The following DHRSX variants were observed in gnomAD, a reference collection of about 807,000 sequenced individuals.
DHRSX encodes polyprenol dehydrogenase.
Under a neutral mutation model 34.0 loss-of-function variants are expected in DHRSX, and 31 were observed. The ratio of observed to expected loss-of-function variants is 0.91; its 90% CI spans 0.69 to 1.23. The LOEUF is 1.23. Ranked by LOEUF, DHRSX falls within the 50% of genes most tolerant of loss-of-function variation. The pLI, the probability that DHRSX is intolerant of heterozygous loss-of-function variation, is 0.00. For synonymous variants in DHRSX, 201 were observed against 183.8 expected (o/e 1.09, Z -0.76); for missense variants, 414 against 428.1 (o/e 0.97, Z 0.29).
chrX:2,414,377 T>C (rs2043668293), intron 2 of DHRSX, among the ~76,000 whole-genome samples: 1 of 151,504 alleles, frequency 6.6e-6, no homozygotes, highest in South Asian at 2.1e-4. Context: ...CCAACCCAAA[T>C]AGACCTCATC....
At chrX:2,347,996 T>C (rs575101842) in intron 3 of DHRSX, among the ~76,000 whole-genome samples, 2 of 152,242 alleles carry the variant, frequency 1.3e-5, no homozygotes, top group African/African-American at 4.8e-5. Context: ...CATACACCCA[T>C]GCGTTCTGGC....
In DHRSX at chrX:2,253,235, T is replaced by C. The variant is rs1433509245; in HGVS notation, c.597-10005A>G. Among the ~76,000 whole-genome samples the C allele has an allele frequency of 4.0e-5, 6 of 149,712 alleles. No individual in the cohort carries two copies. The East Asian group carries it at 1.2e-3, about 31-fold the overall frequency. ...AGGCGGACATGGCCTTGAGCCAAGA[T>C]GGCGCCACGGCACTCCAGCCTAGGA... On this transcript the variant is annotated intron_variant, in intron 5 of 6. Coordinates refer to ENST00000334651, the MANE Select transcript of DHRSX (RefSeq NM_145177.3).
chrX:2,249,030 A>G (rs2016370351), intron 5 of DHRSX, among the ~76,000 whole-genome samples: 1 of 152,070 alleles, frequency 6.6e-6, no homozygotes, highest in African/African-American at 2.4e-5. Flanking sequence ...ATCAGAGGGA[A>G]TGACCCTCCA....
At chrX:2,371,840 C>T (rs367928845) in intron 3 of DHRSX, among the ~76,000 whole-genome samples, 1 of 152,144 alleles carries the variant, frequency 6.6e-6, no homozygotes, top group Non-Finnish European at 1.5e-5. Context: ...ACCTGTGTAT[C>T]TGGTGTCTCT....
intron 3 of DHRSX, among the ~76,000 whole-genome samples, chrX:2,390,859 C>A (rs897490154): frequency 7.0e-6 from 1 of 142,526 alleles, no homozygotes; most frequent in Non-Finnish European, 1.6e-5. Flanking sequence ...CATTTGGATA[C>A]ACCACATTTT....
In DHRSX at chrX:2,382,942, TC is replaced by T. The variant is rs1298330987; in HGVS notation, c.286+25802del. On this transcript the variant is annotated intron_variant, in intron 3 of 6. Coordinates refer to ENST00000334651, the MANE Select transcript of DHRSX (RefSeq NM_145177.3). Reference sequence around the variant, plus strand: ...AGCAGCAGCATGACCATCATCACCATCATTATCATTTCTATCATCACCATCA... The same window carrying T: ...AGCAGCAGCATGACCATCATCACCATATTATCATTTCTATCATCACCATCA... 8.8e-5 allele frequency among the ~76,000 whole-genome samples: 13 copies of T among 148,076 alleles called. No homozygotes were observed. The East Asian group carries it at 2.5e-3, about 28-fold the overall frequency.
chrX:2,361,568 A>G (rs1317850490), intron 3 of DHRSX, among the ~76,000 whole-genome samples: 2 of 152,082 alleles, frequency 1.3e-5, no homozygotes, highest in African/African-American at 4.8e-5. Flanking sequence ...TCTTGGTATT[A>G]ATGATTGAAT....
intron 3 of DHRSX, among the ~76,000 whole-genome samples, chrX:2,304,714 A>C (rs1405380900): frequency 6.6e-6 from 1 of 152,060 alleles, no homozygotes; most frequent in Non-Finnish European, 1.5e-5. Context: ...TAGAAGCAGA[A>C]GCTGCTCTGC....
At position 2,500,958 on chromosome X, in the gene DHRSX, G is replaced by GCCGCCCGCGGGACTCTGCGC. The variant is rs1180735612; in HGVS notation, c.-34_-33insGCGCAGAGTCCCGCGGGCGG. 7.9e-6 allele frequency: 8 copies of GCCGCCCGCGGGACTCTGCGC among 1,007,466 alleles called. No individual in the cohort carries two copies. The African/African-American group carries it at 1.2e-4, about 15-fold the overall frequency. The allele number at this position is 1,007,466 out of a possible 1,614,324, so 62.4% of individuals were successfully genotyped here. A position where few individuals can be genotyped will look rare whatever the true frequency, so the allele number is the denominator to read the frequency against. ...CCGGCCGCGCCGCCGCCGCTTCCGC[G>GCCGCCCGCGGGACTCTGCGC]CCGCCCGCGGGACTCTGCGCCCGCC... On this transcript the variant is annotated 5_prime_UTR_variant, in exon 1 of 7. Transcript: ENST00000334651.
intron 2 of DHRSX, among the ~76,000 whole-genome samples, chrX:2,419,452 G>A (rs779351958): frequency 6.6e-6 from 1 of 152,198 alleles, no homozygotes; most frequent in South Asian, 2.1e-4. Flanking sequence ...ATTTGACCCA[G>A]CCATCCCATT....
chrX:2,242,078 G>C (rs906911950), intron 6 of DHRSX, among the ~76,000 whole-genome samples: 1 of 152,014 alleles, frequency 6.6e-6, no homozygotes, highest in Non-Finnish European at 1.5e-5. Flanking sequence ...GGACACAAGC[G>C]TCTGTACCCC....
At chrX:2,342,092 C>T (rs1403131459) in intron 3 of DHRSX, among the ~76,000 whole-genome samples, 2 of 152,102 alleles carry the variant, frequency 1.3e-5, no homozygotes, top group Non-Finnish European at 2.9e-5. Flanking sequence ...AGGCGTGAGC[C>T]ACCTCGCCCG....
At chrX:2,254,268 T>G (rs980036367) in intron 5 of DHRSX, among the ~76,000 whole-genome samples, 25 of 152,202 alleles carry the variant, frequency 1.6e-4, no homozygotes, top group African/African-American at 6.0e-4. Context: ...TATGTTAACT[T>G]CCTACGAATC....
At chrX:2,348,507 C>T (rs1364583840) in intron 3 of DHRSX, among the ~76,000 whole-genome samples, 2 of 151,914 alleles carry the variant, frequency 1.3e-5, no homozygotes, top group Admixed American at 6.6e-5. Context: ...GATAGAAAGG[C>T]TCAAAAGGAT....
At chrX:2,298,438 T>C (rs1483114053) in intron 3 of DHRSX, among the ~76,000 whole-genome samples, 1 of 151,440 alleles carries the variant, frequency 6.6e-6, no homozygotes, top group Non-Finnish European at 1.5e-5. Context: ...TTGGCCATTT[T>C]AGCTCTGTAG....
At chrX:2,368,853 AAAAT>A (rs1323184301) in intron 3 of DHRSX, among the ~76,000 whole-genome samples, 1 of 152,158 alleles carries the variant, frequency 6.6e-6, no homozygotes, top group African/African-American at 2.4e-5. Flanking sequence ...CTGTCTCAAA[AAAAT>A]AAATAACCCG....
At position 2,243,804 on chromosome X, in the gene DHRSX, T is replaced by G. The variant is rs866558645; in HGVS notation, c.597-574A>C. Among the ~76,000 whole-genome samples, 107 of 27,890 alleles carry G rather than the reference T, an allele frequency of 3.8e-3. 1 individual carries two copies. Among genetic ancestry groups the G allele is most frequent in the Middle Eastern group, 0.028 (1 of 36 alleles). 18.3% of individuals were successfully genotyped at this position (27,890 alleles called of 152,430 possible). ...ATGCTCCCTGTTTTTTTTTTTTTTT[T>G]TTTTTTTTTTTTTTTTTTGAGACAG... On this transcript the variant is annotated intron_variant, in intron 5 of 6. Coordinates refer to ENST00000334651, the MANE Select transcript of DHRSX (RefSeq NM_145177.3).
At chrX:2,237,018 G>A (rs67781207) in intron 6 of DHRSX, among the ~76,000 whole-genome samples, 60,292 of 151,398 alleles carry the variant, frequency 0.4, 13,305 homozygotes, top group Middle Eastern at 0.54. Flanking sequence ...TCGAAACCCC[G>A]TCTCTACTGA....
chrX:2,356,799 G>A (rs1483020735), intron 3 of DHRSX, among the ~76,000 whole-genome samples: 2 of 152,068 alleles, frequency 1.3e-5, no homozygotes, highest in African/African-American at 2.4e-5. Context: ...TCTTGGTAAC[G>A]TTTTCTTTTC....
Sources: allele counts gnomAD v4.1 joint callset (sites outside exome capture counted in the v4.1 genomes callset), GRCh38; gene constraint gnomAD v4.1.1; transcripts MANE v1.5; gene names NCBI Gene and HGNC (gene_info 2026-07-23, HGNC 2026-07-21).